Variants in HDLBP observed in about 807,000 individuals in gnomAD.
The protein encoded by HDLBP is vigilin.
HDLBP carries 30 observed loss-of-function variants against 137.3 expected under a neutral mutation model. That is an observed-to-expected ratio of 0.22 (90% CI 0.16 to 0.30). HDLBP has a LOEUF of 0.30. Ranked by LOEUF, HDLBP falls within the 10% of genes least tolerant of loss-of-function variation. The pLI is 1.00. For synonymous variants in HDLBP, 606 were observed against 596.0 expected, an observed-to-expected ratio of 1.02 and a Z score of -0.24; for missense variants, 1,119 against 1,667.3, an observed-to-expected ratio of 0.67 and a Z score of 5.73.
rs752076834 is a variant in HDLBP, at chr2:241,236,608, C to T, written c.2904+7G>A. 3.1e-6 allele frequency: 5 copies of T among 1,613,656 alleles called. No homozygotes were observed. The South Asian group carries it at 5.5e-5, about 18-fold the overall frequency. On this transcript the variant is annotated splice_region_variant and intron_variant, in intron 21 of 27. Transcript: ENST00000310931. Reference sequence around the variant, plus strand: ...CGGGGGGTGGAGGGGGGCACATGGACACATACCTCCAGAGCTTCCTTGGCA... The same window carrying T: ...CGGGGGGTGGAGGGGGGCACATGGATACATACCTCCAGAGCTTCCTTGGCA...
In HDLBP at chr2:241,235,216, TGTC is replaced by T. The variant is rs1387860781; in HGVS notation, c.3046_3048del (p.Asp1016del). The stretch of plus-strand genomic sequence containing the variant: ...GCAGCGAGGCCCGTGATGGCGATGA[TGTC>T]AGACTGCAGCTCAGGTGCCGGGACA... On this transcript the variant is annotated inframe_deletion, in exon 23 of 28. Coordinates refer to ENST00000310931, the MANE Select transcript of HDLBP (RefSeq NM_005336.6). The T allele has an allele frequency of 6.2e-7, 1 of 1,614,176 alleles. No homozygotes were observed. Among genetic ancestry groups the T allele is most frequent in the Non-Finnish European group, 8.5e-7 (1 of 1,180,034 alleles).
At chr2:241,300,156 T>C (rs1575048228) in intron 1 of HDLBP, among the ~76,000 whole-genome samples, 1 of 152,086 alleles carries the variant, frequency 6.6e-6, no homozygotes, top group South Asian at 2.1e-4. Context: ...AACCTAGATA[T>C]GCACAGCAGC....
At chr2:241,297,635 C>T (rs1003087040) in intron 1 of HDLBP, among the ~76,000 whole-genome samples, 2 of 151,992 alleles carry the variant, frequency 1.3e-5, no homozygotes, top group African/African-American at 4.8e-5. Flanking sequence ...GAGCCAACTG[C>T]CATAAAAGGG....
In HDLBP at chr2:241,236,977, TGGGGGG is replaced by T. The variant is rs530665718; in HGVS notation, c.2750-214_2750-209del. Reference sequence around the variant, plus strand: ...AGCCTCAAAGAGGGCTCCCAGACCTTGGGGGGGGGGGGGGGGGCGGCAATGAAGGCT... The same window carrying T: ...AGCCTCAAAGAGGGCTCCCAGACCTTGGGGGGGGGGGCGGCAATGAAGGCT... On this transcript the variant is annotated intron_variant, in intron 20 of 27. Coordinates refer to ENST00000310931, the MANE Select transcript of HDLBP (RefSeq NM_005336.6). Among the ~76,000 whole-genome samples the T allele has an allele frequency of 5.2e-3, 563 of 108,232 alleles. 6 individuals are homozygous for T. The highest frequency in any genetic ancestry group is 6.5e-3 in the Non-Finnish European group (346 of 53,108). The allele number at this position is 108,232 out of a possible 152,430, so 71.0% of individuals were successfully genotyped here.
Position 241,272,221 on chromosome 2 carries a change from C to G in HDLBP, c.-102-3680G>C. 1.0e-6 allele frequency: 1 copy of G among 980,236 alleles called. No homozygotes were observed. Among genetic ancestry groups the G allele is most frequent in the Non-Finnish European group, 1.2e-6 (1 of 825,280 alleles). The allele number at this position is 980,236 out of a possible 1,614,324, so 60.7% of individuals were successfully genotyped here. A position where few individuals can be genotyped will look rare whatever the true frequency, so the allele number is the denominator to read the frequency against. On this transcript the variant is annotated intron_variant, in intron 1 of 27. Coordinates refer to ENST00000310931, the MANE Select transcript of HDLBP (RefSeq NM_005336.6). This position sits in a 1 kb window ranked among gnomAD's most constrained non-coding sequence, Gnocchi z 5.6. Reference sequence around the variant, plus strand: ...GAGGTGCTGCGGGGGCCCCGCCGCCCGGTCTGCGCCCAGACCCCCGCCCCG... The same window carrying G: ...GAGGTGCTGCGGGGGCCCCGCCGCCGGGTCTGCGCCCAGACCCCCGCCCCG...
intron 1 of HDLBP, among the ~76,000 whole-genome samples, chr2:241,298,973 G>A (rs761348037): frequency 9.9e-5 from 15 of 152,196 alleles, no homozygotes; most frequent in Non-Finnish European, 1.6e-4. Context: ...ATGAGAATGC[G>A]CTGCCTGATC....
intron 1 of HDLBP, among the ~76,000 whole-genome samples, chr2:241,281,720 C>CA (rs2074615804): frequency 6.6e-6 from 1 of 152,062 alleles, no homozygotes; most frequent in Non-Finnish European, 1.5e-5. Context: ...AGATTTAGTA[C>CA]AAGAAATACT....
rs2072623737 is a variant in HDLBP, at chr2:241,256,480, C to T, written c.658-81G>A. The T allele has an allele frequency of 3.4e-6, 5 of 1,488,830 alleles. No homozygotes were observed. In the African/African-American group the frequency reaches 6.9e-5, roughly 21 times the overall value. 92.2% of individuals were successfully genotyped at this position (1,488,830 alleles called of 1,614,324 possible). On this transcript the variant is annotated intron_variant, in intron 6 of 27. Coordinates refer to ENST00000310931, the MANE Select transcript of HDLBP (RefSeq NM_005336.6). ...AGACAGGGCTTTTTAGAGTTGGAGTCAAGCCCTCCACCCCCACCACATTAT... is the reference window on the plus strand; with the variant it reads ...AGACAGGGCTTTTTAGAGTTGGAGTTAAGCCCTCCACCCCCACCACATTAT...
At chr2:241,306,576 AAAAG>A (rs1289779890) in intron 1 of HDLBP, among the ~76,000 whole-genome samples, 3 of 151,916 alleles carry the variant, frequency 2.0e-5, no homozygotes, top group African/African-American at 4.8e-5. Context: ...TCTTATTTTT[AAAAG>A]AAAGGAGCTG....
At chr2:241,259,501 A>C (rs2072989974) in intron 5 of HDLBP, among the ~76,000 whole-genome samples, 1 of 146,396 alleles carries the variant, frequency 6.8e-6, no homozygotes. Flanking sequence ...TTTTGAACTC[A>C]TGATTTTCCT....
intron 24 of HDLBP, among the ~76,000 whole-genome samples, chr2:241,232,930 G>A (rs2069949066): frequency 1.3e-5 from 2 of 152,080 alleles, no homozygotes; most frequent in African/African-American, 4.8e-5. Context: ...CTCCTGGCCT[G>A]GCTGGTGTGT....
In HDLBP at chr2:241,240,235, G is replaced by A; in HGVS notation, c.2170-113C>T. On this transcript the variant is annotated intron_variant, in intron 17 of 27. Coordinates refer to ENST00000310931, the MANE Select transcript of HDLBP (RefSeq NM_005336.6). This position sits in a 1 kb window ranked among gnomAD's most constrained non-coding sequence, Gnocchi z 5.5. ...TCGGGCTCCCCTTACATTGTCACCA[G>A]TGTCCTGATGTTGCACCAATACCCC... 1.0e-6 allele frequency: 1 copy of A among 994,652 alleles called. No individual in the cohort carries two copies. The highest frequency in any genetic ancestry group is 1.6e-6 in the Non-Finnish European group (1 of 626,162). 61.6% of individuals were successfully genotyped at this position (994,652 alleles called of 1,614,324 possible).
At chr2:241,262,005 T>C (rs533186446) in intron 5 of HDLBP, among the ~76,000 whole-genome samples, 6 of 152,372 alleles carry the variant, frequency 3.9e-5, no homozygotes, top group Non-Finnish European at 5.9e-5. Context: ...AACACTTTAG[T>C]AAGATTCTTT....
Position 241,275,341 on chromosome 2 carries a change from G to C in HDLBP, c.-102-6800C>G, listed in dbSNP as rs536179070. ...CAAGAACTTCGGGAGACAGAACTAA[G>C]ATTGAGACAATAAAAAAGCATAAGA... On this transcript the variant is annotated intron_variant, in intron 1 of 27. Coordinates refer to ENST00000310931, the MANE Select transcript of HDLBP (RefSeq NM_005336.6). Among the ~76,000 whole-genome samples the C allele has an allele frequency of 3.2e-4, 48 of 152,134 alleles. 2 individuals are homozygous for C. In the South Asian group the frequency reaches 9.1e-3, roughly 29 times the overall value.
chr2:241,302,141 C>T (rs536316276), intron 1 of HDLBP, among the ~76,000 whole-genome samples: 3 of 152,132 alleles, frequency 2.0e-5, no homozygotes, highest in African/African-American at 7.2e-5. Context: ...AGTATGCTTC[C>T]CAGCTACTCA....
At position 241,263,000 on chromosome 2, in the gene HDLBP, G is replaced by C. The variant is rs926967835; in HGVS notation, c.235-74C>G. 6 of 1,149,762 alleles carry C rather than the reference G, an allele frequency of 5.2e-6. No homozygotes were observed. The Admixed American group carries it at 1.1e-4, about 22-fold the overall frequency. 71.2% of individuals were successfully genotyped at this position (1,149,762 alleles called of 1,614,324 possible). ...CCAACAGATAGGGAGTAAAGAACAT[G>C]TGTTCATCACCATCCACTCACAAAG... On this transcript the variant is annotated intron_variant, in intron 4 of 27. Coordinates refer to ENST00000310931, the MANE Select transcript of HDLBP (RefSeq NM_005336.6).
intron 1 of HDLBP, among the ~76,000 whole-genome samples, chr2:241,293,746 C>T (rs2075082849): frequency 6.6e-6 from 1 of 150,780 alleles, no homozygotes; most frequent in Non-Finnish European, 1.5e-5. Context: ...ATAGCGAAAC[C>T]TCATCTCTAC....
chr2:241,304,890 G>T (rs1261886103), intron 1 of HDLBP, among the ~76,000 whole-genome samples: 1 of 152,190 alleles, frequency 6.6e-6, no homozygotes, highest in African/African-American at 2.4e-5. Flanking sequence ...ACAAAAAGAA[G>T]AAATAATTAC....
At position 241,287,309 on chromosome 2, in the gene HDLBP, C is replaced by T. The variant is rs888432338; in HGVS notation, c.-102-18768G>A. On this transcript the variant is annotated intron_variant, in intron 1 of 27. Transcript: ENST00000310931. ...TATTCTTAGTAGACACAGGGTTTCA[C>T]ATTGTTGGCCAGGCTGGTCTCAAAC... 5.3e-5 allele frequency among the ~76,000 whole-genome samples: 8 copies of T among 151,810 alleles called. No homozygotes were observed. In the South Asian group the frequency reaches 8.3e-4, roughly 16 times the overall value.
Sources: allele counts gnomAD v4.1 joint callset (sites outside exome capture counted in the v4.1 genomes callset), GRCh38; gene constraint gnomAD v4.1.1; non-coding constraint Gnocchi (gnomAD v3.1); transcripts MANE v1.5; gene names NCBI Gene and HGNC (gene_info 2026-07-23, HGNC 2026-07-21).